ANXA8: variants seen among roughly 807,000 people sequenced by gnomAD.
The protein encoded by ANXA8 is annexin A8.
Under a neutral mutation model 26.8 loss-of-function variants are expected in ANXA8, and 9 were observed. That is an observed-to-expected ratio of 0.34 (90% CI 0.20 to 0.59). The LOEUF (loss-of-function observed/expected upper bound fraction) is 0.59, where lower values mean the gene tolerates loss of function less well. ANXA8 is among the 20% of genes least tolerant of loss of function. The pLI, the probability that ANXA8 is intolerant of heterozygous loss-of-function variation, is 0.84. For missense variants in ANXA8, 83 were observed against 238.5 expected (o/e 0.35, Z 4.29); for synonymous variants, 39 against 94.8 (o/e 0.41, Z 3.42).
the ANXA8 span, among the ~76,000 whole-genome samples, chr10:47,959,774 C>A: frequency 1.3e-5 from 2 of 150,210 alleles, no homozygotes; most frequent in Non-Finnish European, 2.9e-5. Flanking sequence ...TCTGTCCCAT[C>A]CCCTGGAATC....
chr10:47,565,791 C>G, the ANXA8 span: 8 of 1,017,942 alleles, frequency 7.9e-6, no homozygotes, highest in Non-Finnish European at 1.0e-5. Context: ...CGCCCCGGAA[C>G]CCAACGGCTG....
At chr10:47,942,266 G>C in the ANXA8 span, among the ~76,000 whole-genome samples, 4 of 146,168 alleles carry the variant, frequency 2.7e-5, 1 homozygote, top group Non-Finnish European at 5.9e-5. Flanking sequence ...GTCAGTGGAG[G>C]CTGGTTTGAG....
the ANXA8 span, among the ~76,000 whole-genome samples, chr10:47,614,062 G>T: frequency 1.2e-4 from 9 of 74,062 alleles, 4 homozygotes; most frequent in Non-Finnish European, 3.1e-4. Flanking sequence ...CTGAAAATTC[G>T]ATTATTTTTT....
chr10:47,554,110 A>T, the ANXA8 span, among the ~76,000 whole-genome samples: 1,109 of 129,908 alleles, frequency 8.5e-3, 26 homozygotes, highest in African/African-American at 0.03. Context: ...CATCTCTCAA[A>T]AAATAAATAA....
the ANXA8 span, among the ~76,000 whole-genome samples, chr10:47,572,510 G>T: frequency 6.6e-6 from 1 of 150,936 alleles, no homozygotes; most frequent in African/African-American, 2.5e-5. Context: ...AAAGTCAGGA[G>T]TTCGAGACCA....
chr10:47,536,468 C>T, the ANXA8 span, among the ~76,000 whole-genome samples: 1 of 95,616 alleles, frequency 1.0e-5, no homozygotes, highest in Non-Finnish European at 1.9e-5. Flanking sequence ...CCACATCACA[C>T]TCTGACATAC....
chr10:47,625,655 G>A, the ANXA8 span, among the ~76,000 whole-genome samples: 1 of 152,052 alleles, frequency 6.6e-6, no homozygotes, highest in Non-Finnish European at 1.5e-5. Flanking sequence ...TTTCAACTGA[G>A]CATCAGGTAC....
chr10:47,691,164 T>C, the ANXA8 span: 778 of 1,594,268 alleles, frequency 4.9e-4, 2 homozygotes, highest in Non-Finnish European at 6.3e-4. Context: ...AAGAAGGTTT[T>C]TCTGTGGAGG....
chr10:47,633,114 C>T, the ANXA8 span, among the ~76,000 whole-genome samples: 2 of 149,388 alleles, frequency 1.3e-5, no homozygotes, highest in East Asian at 1.9e-4. Flanking sequence ...GGAGCACTGT[C>T]ATGCATTTGG....
At chr10:47,596,729 C>T in the ANXA8 span, among the ~76,000 whole-genome samples, 1 of 146,130 alleles carries the variant, frequency 6.8e-6, no homozygotes, top group Non-Finnish European at 1.5e-5. Context: ...CCAGGAAGAA[C>T]CTGAAACACT....
the ANXA8 span, among the ~76,000 whole-genome samples, chr10:47,508,246 G>A: frequency 1.6e-5 from 1 of 61,766 alleles, no homozygotes; most frequent in Non-Finnish European, 3.0e-5. Flanking sequence ...GTAGAGTGAG[G>A]CTCAAAACAA....
the ANXA8 span, among the ~76,000 whole-genome samples, chr10:47,901,062 C>T: frequency 5.7e-4 from 79 of 137,538 alleles, no homozygotes; most frequent in East Asian, 0.011. Context: ...GTAGAACTGG[C>T]GGGAAAAAAA....
At chr10:47,685,918 G>A in the ANXA8 span, among the ~76,000 whole-genome samples, 2 of 149,000 alleles carry the variant, frequency 1.3e-5, no homozygotes, top group Admixed American at 1.3e-4. Flanking sequence ...CACAGAAGCA[G>A]TAAATGTCGT....
At chr10:47,687,169 A>G in the ANXA8 span, among the ~76,000 whole-genome samples, 1 of 151,896 alleles carries the variant, frequency 6.6e-6, no homozygotes. Context: ...GGAAGAAACC[A>G]TTGGAGAAGA....
chr10:47,743,321 T>TATATAC, the ANXA8 span, among the ~76,000 whole-genome samples: 4 of 105,666 alleles, frequency 3.8e-5, no homozygotes, highest in African/African-American at 1.4e-4. Flanking sequence ...TACACATATA[T>TATATAC]ATATATACAT....
chr10:47,554,146 T>TAAATAAAA, the ANXA8 span, among the ~76,000 whole-genome samples: 47 of 135,984 alleles, frequency 3.5e-4, no homozygotes, highest in African/African-American at 1.1e-3. Flanking sequence ...AATAAATAAA[T>TAAATAAAA]AAAAATAAAG....
At chr10:47,709,387 A>G in the ANXA8 span, among the ~76,000 whole-genome samples, 236 of 144,264 alleles carry the variant, frequency 1.6e-3, no homozygotes, top group Middle Eastern at 3.5e-3. Flanking sequence ...TCAATCACGT[A>G]CTCAAGCATA....
the ANXA8 span, among the ~76,000 whole-genome samples, chr10:47,560,206 T>C: frequency 6.6e-6 from 1 of 151,794 alleles, no homozygotes; most frequent in East Asian, 1.9e-4. Context: ...TGCTTCTGTT[T>C]GATTTATGAA....
At chr10:47,656,314 C>G in the ANXA8 span, among the ~76,000 whole-genome samples, 5 of 151,376 alleles carry the variant, frequency 3.3e-5, no homozygotes, top group African/African-American at 1.2e-4. Context: ...GGGAGGATCT[C>G]TTGAGCCCAG....
Sources: allele counts gnomAD v4.1 joint callset (sites outside exome capture counted in the v4.1 genomes callset), GRCh38; gene constraint gnomAD v4.1.1; transcripts MANE v1.5; gene names NCBI Gene and HGNC (gene_info 2026-07-23, HGNC 2026-07-21).